Variants in TMEM114 observed in about 807,000 individuals in gnomAD.
TMEM114 encodes claudin-26.
Under a neutral mutation model 6.2 loss-of-function variants are expected in TMEM114, and 6 were observed. The observed-to-expected ratio is 0.97, with a 90% confidence interval of 0.53 to 1.91. The LOEUF (loss-of-function observed/expected upper bound fraction) is 1.91. Among genes scored for constraint, TMEM114 ranks in the 40% most tolerant of loss-of-function variants. The pLI is 0.01. For missense variants in TMEM114, 218 were observed against 158.3 expected, an observed-to-expected ratio of 1.38 and a Z score of -2.02; for synonymous variants, 104 against 73.0, an observed-to-expected ratio of 1.42 and a Z score of -2.16.
chr16:8,576,588 C>G (rs1390151957), intron 2 of TMEM114, among the ~76,000 whole-genome samples: 3 of 152,202 alleles, frequency 2.0e-5, no homozygotes. Flanking sequence ...TGGAAAATTT[C>G]TTCTTTCTTG....
chr16:8,543,066 G>A (rs542145450), intron 2 of TMEM114, among the ~76,000 whole-genome samples: 56 of 152,220 alleles, frequency 3.7e-4, no homozygotes, highest in African/African-American at 1.3e-3. Flanking sequence ...ACAGCCCTTC[G>A]AAAACTTTTA....
intron 2 of TMEM114, among the ~76,000 whole-genome samples, chr16:8,587,026 T>A (rs1902343104): frequency 6.6e-6 from 1 of 152,166 alleles, no homozygotes; most frequent in African/African-American, 2.4e-5. Flanking sequence ...TTTTGAGAAT[T>A]TTGTGAGCCA....
chr16:8,561,943 A>T (rs1164489775), intron 2 of TMEM114, among the ~76,000 whole-genome samples: 1 of 152,130 alleles, frequency 6.6e-6, no homozygotes, highest in Non-Finnish European at 1.5e-5. Flanking sequence ...TGAGTAAGTG[A>T]ATGAGTGAAT....
chr16:8,590,007 C>T lies in TMEM114; in HGVS notation c.-169G>A, dbSNP rs1902435496. ...TTGGACCCCGGGCCCTAGCTTAGAC[C>T]CTGGCTCCTCACCTGCCGGCTCCGA... On this transcript the variant is annotated 5_prime_UTR_variant, in exon 1 of 4. Coordinates refer to ENST00000620492, the MANE Select transcript of TMEM114 (RefSeq NM_001146336.2). 2.4e-5 allele frequency: 9 copies of T among 382,778 alleles called. No individual in the cohort carries two copies. In the East Asian group the frequency reaches 2.6e-4, roughly 11 times the overall value. 23.7% of individuals were successfully genotyped at this position (382,778 alleles called of 1,614,324 possible). A position where few individuals can be genotyped will look rare whatever the true frequency, so the allele number is the denominator to read the frequency against.
intron 2 of TMEM114, among the ~76,000 whole-genome samples, chr16:8,587,895 A>C (rs1306431189): frequency 6.6e-6 from 1 of 151,618 alleles, no homozygotes; most frequent in Non-Finnish European, 1.5e-5. Flanking sequence ...CACACCTGAA[A>C]TCCCAAGACT....
chr16:8,581,706 G>C (rs1902155541), intron 2 of TMEM114, among the ~76,000 whole-genome samples: 1 of 152,260 alleles, frequency 6.6e-6, no homozygotes, highest in Admixed American at 6.5e-5. Context: ...CGCCCACCTT[G>C]GCCTCCCAAA....
At chr16:8,562,338 G>C (rs1901268809) in intron 2 of TMEM114, among the ~76,000 whole-genome samples, 1 of 150,296 alleles carries the variant, frequency 6.7e-6, no homozygotes, top group Non-Finnish European at 1.5e-5. Context: ...GGGAATGAGT[G>C]AATGAGTGAG....
intron 2 of TMEM114, among the ~76,000 whole-genome samples, chr16:8,555,510 G>C (rs1900982171): frequency 6.6e-6 from 1 of 152,186 alleles, no homozygotes; most frequent in African/African-American, 2.4e-5. Flanking sequence ...GCAAGGGGCA[G>C]TAATTTCTGG....
At chr16:8,584,057 G>C (rs1485690850) in intron 2 of TMEM114, among the ~76,000 whole-genome samples, 3 of 152,252 alleles carry the variant, frequency 2.0e-5, no homozygotes, top group Non-Finnish European at 4.4e-5. Context: ...AAGTTTGGTG[G>C]AATTCATGAG....
At chr16:8,564,418 TAAATGAGTGAGTGAGGGAGGGAGG>T (rs1901445898) in intron 2 of TMEM114, among the ~76,000 whole-genome samples, 1 of 147,332 alleles carries the variant, frequency 6.8e-6, no homozygotes, top group South Asian at 2.2e-4. Context: ...AGTGAGTGAG[TAAATGAGTGAGTGAGGGAGGGAGG>T]GAATGAGTGA....
At chr16:8,563,054 TG>T (rs1901332827) in intron 2 of TMEM114, among the ~76,000 whole-genome samples, 1 of 25,270 alleles carries the variant, frequency 4.0e-5, no homozygotes, top group Non-Finnish European at 7.3e-5. Flanking sequence ...GTAAATTGAG[TG>T]AATGAGTAAG....
chr16:8,553,837 T>A (rs563309610), intron 2 of TMEM114, among the ~76,000 whole-genome samples: 1 of 152,108 alleles, frequency 6.6e-6, no homozygotes, highest in Non-Finnish European at 1.5e-5. Flanking sequence ...GTAGCTGGAA[T>A]TACAGGCTCA....
At chr16:8,578,694 G>A (rs1167409097) in intron 2 of TMEM114, among the ~76,000 whole-genome samples, 1 of 152,116 alleles carries the variant, frequency 6.6e-6, no homozygotes, top group African/African-American at 2.4e-5. Context: ...ATATTAAAAT[G>A]TTGGCTGGGT....
At chr16:8,568,574 A>T (rs1901621680), downstream of TMEM114, among the ~76,000 whole-genome samples, 1 of 152,124 alleles carries the variant, frequency 6.6e-6, no homozygotes, top group Non-Finnish European at 1.5e-5. Flanking sequence ...CGTCATGGTG[A>T]TGATGATGTC....
chr16:8,554,399 T>C (rs1450630880), intron 2 of TMEM114, among the ~76,000 whole-genome samples: 1 of 151,804 alleles, frequency 6.6e-6, no homozygotes, highest in East Asian at 1.9e-4. Flanking sequence ...TCTCTAATAA[T>C]AATAATAATA....
intron 2 of TMEM114, among the ~76,000 whole-genome samples, chr16:8,553,154 G>A (rs892965615): frequency 1.2e-4 from 19 of 152,206 alleles, no homozygotes; most frequent in African/African-American, 3.6e-4. Context: ...GATCGCAGCC[G>A]TTTCATTCCT....
intron 2 of TMEM114, among the ~76,000 whole-genome samples, chr16:8,576,598 G>A (rs867357384): frequency 2.6e-5 from 4 of 152,176 alleles, no homozygotes; most frequent in Admixed American, 6.5e-5. Flanking sequence ...CTTCTTTCTT[G>A]TGATGTATTC....
intron 2 of TMEM114, among the ~76,000 whole-genome samples, chr16:8,556,747 C>T (rs1009930557): frequency 6.6e-6 from 1 of 152,188 alleles, no homozygotes; most frequent in African/African-American, 2.4e-5. Context: ...AGGGGATCCA[C>T]CCGCCTCAGC....
chr16:8,546,500 G>A (rs1288462624), intron 2 of TMEM114, among the ~76,000 whole-genome samples: 1 of 152,180 alleles, frequency 6.6e-6, no homozygotes, highest in Non-Finnish European at 1.5e-5. Flanking sequence ...AGCCCAGGGT[G>A]CCAACCTGTT....
Sources: gnomAD v4.1 joint callset for allele counts (sites outside exome capture counted in the v4.1 genomes callset) on GRCh38, gnomAD v4.1.1 for gene constraint, MANE v1.5 for transcripts, NCBI Gene and HGNC (gene_info 2026-07-23, HGNC 2026-07-21) for gene names.